The following DBT variants were observed in gnomAD, a reference collection of about 807,000 sequenced individuals.
The protein encoded by DBT is dihydrolipoamide branched chain transacylase E2, also known as lipoamide acyltransferase component of branched-chain alpha-keto acid dehydrogenase complex, mitochondrial.
In DBT, 40 loss-of-function variants were observed where a neutral mutation model predicts 51.3. The observed-to-expected ratio is 0.78, with a 90% CI of 0.61 to 1.02. DBT has a LOEUF of 1.02. Ranked by LOEUF, DBT falls within the 50% of genes least tolerant of loss-of-function variation. The probability of loss-of-function intolerance (pLI) is 0.00; values close to 1 mark genes in which losing one functional copy is unlikely to be tolerated. For synonymous variants in DBT, 181 were observed against 190.4 expected, an observed-to-expected ratio of 0.95 and a Z score of 0.41; for missense variants, 510 against 580.2, an observed-to-expected ratio of 0.88 and a Z score of 1.24.
rs1385062716 is a variant in DBT, at chr1:100,196,086, T to C, written c.*169A>G. ...AGGAGAACCATTACACCATTATTCA[T>C]TTTCAGTAAAAAGTCTAATAGAACA... On this transcript the variant is annotated 3_prime_UTR_variant, in exon 11 of 11. Transcript: ENST00000370132. The C allele has an allele frequency of 7.3e-6, 5 of 681,328 alleles. No homozygotes were observed. The highest frequency in any genetic ancestry group is 1.3e-5 in the Non-Finnish European group (5 of 392,424). The allele number at this position is 681,328 out of a possible 1,614,324, so 42.2% of individuals were successfully genotyped here. A position where few individuals can be genotyped will look rare whatever the true frequency, so the allele number is the denominator to read the frequency against.
At chr1:100,208,166 T>A (rs141679839) in intron 8 of DBT, among the ~76,000 whole-genome samples, 5 of 152,156 alleles carry the variant, frequency 3.3e-5, no homozygotes, top group African/African-American at 1.2e-4. Context: ...CAAATCCAAC[T>A]TTGTTTCATG....
rs1299268679 is a variant in DBT, at chr1:100,235,451, A to G, written c.236T>C (p.Val79Ala). Residue 79 changes from valine to alanine, a missense_variant, in exon 3 of 11, where the codon GTA becomes GCA. Val to Ala is a moderately conservative substitution (Grantham distance 64, BLOSUM62 0). Coordinates refer to ENST00000370132, the MANE Select transcript of DBT (RefSeq NM_001918.5). ...LSDIGEGIRE[V>A]TVKEWYVKEG... ...ATTCACTTACCATTCTTTAACAGTT[A>G]CTTCTCTAATCCCTTCTCCAATGTC... is the stretch of plus-strand genomic sequence containing the variant. 1 of 1,558,426 alleles carries G rather than the reference A, an allele frequency of 6.4e-7. No individual in the cohort carries two copies. The highest frequency in any genetic ancestry group is 8.8e-7 in the Non-Finnish European group (1 of 1,131,578).
intron 4 of DBT, among the ~76,000 whole-genome samples, chr1:100,226,640 C>G (rs1245633328): frequency 6.6e-6 from 1 of 152,046 alleles, no homozygotes; most frequent in Non-Finnish European, 1.5e-5. Context: ...ACCCCTAACG[C>G]CCAGATTATA....
At chr1:100,203,949 T>A (rs947950925) in intron 10 of DBT, among the ~76,000 whole-genome samples, 2 of 152,166 alleles carry the variant, frequency 1.3e-5, no homozygotes, top group Non-Finnish European at 2.9e-5. Context: ...ATGGAACATA[T>A]CTCAAAATAA....
intron 10 of DBT, among the ~76,000 whole-genome samples, chr1:100,200,647 T>C (rs1228036907): frequency 1.3e-5 from 2 of 152,156 alleles, no homozygotes; most frequent in African/African-American, 4.8e-5. Flanking sequence ...AGACACCTCA[T>C]ACAGGAGAGC....
chr1:100,235,343 C>T, intron 3 of DBT, 93 bp downstream of exon 3: 1 of 661,220 alleles, frequency 1.5e-6, no homozygotes, highest in East Asian at 2.9e-5. Context: ...TAAATGGATT[C>T]CCACTATCCA....
chr1:100,190,079 G>GT lies in DBT; in HGVS notation c.*6175dup, dbSNP rs1308056536. On this transcript the variant is annotated 3_prime_UTR_variant, in exon 11 of 11. Coordinates refer to ENST00000370132, the MANE Select transcript of DBT (RefSeq NM_001918.5). ...AGGCTACTGCATTAGACAGCTCAGA[G>GT]TTCGAGTTTTACTAACTAGACTTGC... The GT allele has an allele frequency of 6.6e-6, 1 of 152,194 alleles. No homozygotes were observed. Among genetic ancestry groups the GT allele is most frequent in the Non-Finnish European group, 1.5e-5 (1 of 68,034 alleles). 9.4% of individuals were successfully genotyped at this position (152,194 alleles called of 1,614,324 possible). A position where few individuals can be genotyped will look rare whatever the true frequency, so the allele number is the denominator to read the frequency against.
At chr1:100,197,967 C>T (rs542073619) in intron 10 of DBT, among the ~76,000 whole-genome samples, 1 of 152,192 alleles carries the variant, frequency 6.6e-6, no homozygotes, top group South Asian at 2.1e-4. Context: ...AAGATTTCTA[C>T]TCTAAGAACT....
chr1:100,230,514 C>T (rs569400475), intron 4 of DBT, among the ~76,000 whole-genome samples: 2 of 152,132 alleles, frequency 1.3e-5, no homozygotes, highest in South Asian at 2.1e-4. Flanking sequence ...TTTTCCCCCC[C>T]ACCTTTGGTT....
chr1:100,216,274 A>G (rs185546646), intron 5 of DBT, 75 bp from the exon 6 acceptor site: 539 of 991,492 alleles, frequency 5.4e-4, no homozygotes, highest in Middle Eastern at 9.1e-4. Context: ...ATGGAATTTG[A>G]TCAACTGACA....
intron 4 of DBT, among the ~76,000 whole-genome samples, 188 bp from the exon 5 acceptor site, chr1:100,218,935 G>C (rs778410726): frequency 2.1e-3 from 20 of 9,320 alleles, no homozygotes; most frequent in East Asian, 0.071. Context: ...GGTAGAGTGG[G>C]GGGGGGGGTG....
Position 100,189,264 on chromosome 1 carries a change from C to T in DBT, c.*6991G>A, listed in dbSNP as rs1386259166. 2 of 151,470 alleles carry T rather than the reference C, an allele frequency of 1.3e-5. No individual in the cohort carries two copies. Among genetic ancestry groups the T allele is most frequent in the South Asian group, 2.1e-4 (1 of 4,810 alleles). The allele number at this position is 151,470 out of a possible 1,614,324, so 9.4% of individuals were successfully genotyped here. A position where few individuals can be genotyped will look rare whatever the true frequency, so the allele number is the denominator to read the frequency against. ...TTGAGGAATGAGCACTGTTTGAACC[C>T]AGGAGACGGAGGTTGCAGTGAGCAG... is the stretch of plus-strand genomic sequence containing the variant. On this transcript the variant is annotated 3_prime_UTR_variant, in exon 11 of 11. Coordinates refer to ENST00000370132, the MANE Select transcript of DBT (RefSeq NM_001918.5).
Position 100,235,504 on chromosome 1 carries a change from A to G in DBT, c.183T>C (p.Arg61=). 6.3e-7 allele frequency: 1 copy of G among 1,576,988 alleles called. No individual in the cohort carries two copies. Among genetic ancestry groups the G allele is most frequent in the Non-Finnish European group, 8.7e-7 (1 of 1,147,626 alleles). The change falls in exon 3 of 11, where the codon CGT becomes CGC. Residue 61 remains arginine (R), a synonymous_variant. Coordinates refer to ENST00000370132, the MANE Select transcript of DBT (RefSeq NM_001918.5). ...HHFLKTTAAL[R]GQVVQFKLSD... ...AGAGCTTGAACTGAACAACCTGTCC[A>G]CGGAGAGCTTCAAAGACAAATGAGA...
At position 100,235,515 on chromosome 1, in the gene DBT, C is replaced by T. The variant is rs769021966; in HGVS notation, c.176-4G>A. The T allele has an allele frequency of 5.8e-6, 9 of 1,549,406 alleles. No individual in the cohort carries two copies. The highest frequency in any genetic ancestry group is 8.0e-6 in the Non-Finnish European group (9 of 1,122,918). On this transcript the variant is annotated splice_region_variant and splice_polypyrimidine_tract_variant and intron_variant, in intron 2 of 10. Transcript: ENST00000370132. Reference sequence around the variant, plus strand: ...TGAACAACCTGTCCACGGAGAGCTTCAAAGACAAATGAGAAATGATCTCAT... The same window carrying T: ...TGAACAACCTGTCCACGGAGAGCTTTAAAGACAAATGAGAAATGATCTCAT...
chr1:100,212,358 G>A (rs1485970649), intron 7 of DBT, among the ~76,000 whole-genome samples: 1 of 151,786 alleles, frequency 6.6e-6, no homozygotes, highest in South Asian at 2.1e-4. Flanking sequence ...GCAGCACTGC[G>A]AGACACATCT....
At chr1:100,230,217 G>A (rs564767303) in intron 4 of DBT, among the ~76,000 whole-genome samples, 1 of 152,262 alleles carries the variant, frequency 6.6e-6, no homozygotes, top group Admixed American at 6.5e-5. Context: ...TAAATGAAGT[G>A]TTACTGTACA....
intron 6 of DBT, 21 bp downstream of exon 6, chr1:100,215,962 T>A (rs1319745557): frequency 1.5e-6 from 2 of 1,357,340 alleles, no homozygotes; most frequent in African/African-American, 1.4e-5. Flanking sequence ...TGCCTTATAG[T>A]ATTGTTATTA....
intron 2 of DBT, among the ~76,000 whole-genome samples, chr1:100,240,305 A>G (rs1388126378): frequency 6.6e-6 from 1 of 152,208 alleles, no homozygotes; most frequent in Non-Finnish European, 1.5e-5. Flanking sequence ...ATCAATGCTG[A>G]CTATTGCACT....
chr1:100,212,008 G>T (rs2100790890), intron 7 of DBT, among the ~76,000 whole-genome samples: 1 of 152,282 alleles, frequency 6.6e-6, no homozygotes, highest in East Asian at 1.9e-4. Flanking sequence ...CTGAGCTCAA[G>T]CAATCTGCCT....
Sources: allele counts gnomAD v4.1 joint callset (sites outside exome capture counted in the v4.1 genomes callset), GRCh38; gene constraint gnomAD v4.1.1; transcripts MANE v1.5; gene names NCBI Gene and HGNC (gene_info 2026-07-23, HGNC 2026-07-21).